The following EXOC6B variants were observed in gnomAD, a reference collection of about 807,000 sequenced individuals.
EXOC6B encodes SEC15 homolog B.
A neutral mutation model predicts 113.5 loss-of-function variants in EXOC6B; 54 were observed. The observed-to-expected ratio is 0.48, with a 90% CI of 0.38 to 0.60. The LOEUF is 0.60. EXOC6B is among the 20% of genes least tolerant of loss of function. EXOC6B has a pLI of 0.00. For missense variants in EXOC6B, 797 were observed against 977.5 expected (o/e 0.82, Z 2.46); for synonymous variants, 357 against 339.0 (o/e 1.05, Z -0.58).
At chr2:72,450,863 C>T (rs1441142497) in intron 18 of EXOC6B, among the ~76,000 whole-genome samples, 1 of 151,930 alleles carries the variant, frequency 6.6e-6, no homozygotes, top group African/African-American at 2.4e-5. Context: ...AGCCATAAAC[C>T]TTATGCTCAT....
chr2:72,672,456 C>T lies in EXOC6B; in HGVS notation c.669+45647G>A, dbSNP rs530805364. Reference sequence around the variant, plus strand: ...CCATCCTGGCTAACACGGTGAAACCCGGCCTCTACTAACCCGGGAGGCGGA... The same window carrying T: ...CCATCCTGGCTAACACGGTGAAACCTGGCCTCTACTAACCCGGGAGGCGGA... On this transcript the variant is annotated intron_variant, in intron 6 of 21. Coordinates refer to ENST00000272427, the MANE Select transcript of EXOC6B (RefSeq NM_015189.3). 4.0e-5 allele frequency among the ~76,000 whole-genome samples: 6 copies of T among 150,696 alleles called. No individual in the cohort carries two copies. In the South Asian group the frequency reaches 1.3e-3, roughly 32 times the overall value.
chr2:72,415,996 CT>C (rs1694497277), intron 18 of EXOC6B, among the ~76,000 whole-genome samples: 1 of 152,162 alleles, frequency 6.6e-6, no homozygotes, highest in Admixed American at 6.5e-5. Flanking sequence ...TCCCAAATCA[CT>C]GTGACTTACA....
intron 6 of EXOC6B, among the ~76,000 whole-genome samples, chr2:72,708,572 A>G (rs1191236809): frequency 6.6e-6 from 1 of 152,178 alleles, no homozygotes; most frequent in Non-Finnish European, 1.5e-5. Flanking sequence ...AGGGGTTATA[A>G]ATGAAAGGAA....
chr2:72,558,939 T>G (rs1429934887), intron 8 of EXOC6B, among the ~76,000 whole-genome samples: 1 of 151,986 alleles, frequency 6.6e-6, no homozygotes, highest in Non-Finnish European at 1.5e-5. Flanking sequence ...GTTGCTAGAG[T>G]TTAATTTTTG....
At chr2:72,688,631 AG>A (rs763954930) in intron 6 of EXOC6B, among the ~76,000 whole-genome samples, 1 of 152,220 alleles carries the variant, frequency 6.6e-6, no homozygotes, top group Non-Finnish European at 1.5e-5. Flanking sequence ...AAAGAGATGC[AG>A]GTGCTAGCAA....
chr2:72,653,754 T>G (rs1674384706), intron 6 of EXOC6B, among the ~76,000 whole-genome samples: 2 of 151,874 alleles, frequency 1.3e-5, no homozygotes, highest in Non-Finnish European at 1.5e-5. Flanking sequence ...TGAAACTAAC[T>G]TCTAAGTAAA....
intron 8 of EXOC6B, among the ~76,000 whole-genome samples, chr2:72,529,804 T>A (rs1701905555): frequency 6.6e-6 from 1 of 152,184 alleles, no homozygotes; most frequent in African/African-American, 2.4e-5. Flanking sequence ...ATTTCCTTCA[T>A]AGCCATAGGG....
intron 5 of EXOC6B, among the ~76,000 whole-genome samples, chr2:72,724,462 C>T (rs1014999394): frequency 1.1e-4 from 16 of 151,908 alleles, no homozygotes; most frequent in South Asian, 2.1e-4. Context: ...ACTCACCATT[C>T]GCTAAAACAA....
intron 8 of EXOC6B, among the ~76,000 whole-genome samples, chr2:72,523,712 C>T (rs944416972): frequency 3.1e-5 from 4 of 130,596 alleles, no homozygotes; most frequent in South Asian, 5.1e-4. Context: ...ACCCGGGAGG[C>T]GGAGCTTGCC....
chr2:72,720,374 T>C (rs75758810), intron 5 of EXOC6B, among the ~76,000 whole-genome samples: 1,781 of 152,252 alleles, frequency 0.012, 30 homozygotes, highest in African/African-American at 0.041. Context: ...CAACTACATA[T>C]TGTCTACAAG....
At chr2:72,213,211 C>G (rs1373157310) in intron 20 of EXOC6B, among the ~76,000 whole-genome samples, 1 of 152,206 alleles carries the variant, frequency 6.6e-6, no homozygotes, top group Non-Finnish European at 1.5e-5. Flanking sequence ...GTGAAGCCAT[C>G]CTGGTATTTA....
Position 72,401,404 on chromosome 2 carries a change from G to T in EXOC6B, c.1981-21534C>A, listed in dbSNP as rs572789234. Among the ~76,000 whole-genome samples the T allele has an allele frequency of 1.7e-3, 247 of 145,532 alleles. 1 individual carries two copies. The highest frequency in any genetic ancestry group is 5.9e-3 in the African/African-American group (238 of 40,018). On this transcript the variant is annotated intron_variant, in intron 18 of 21. Coordinates refer to ENST00000272427, the MANE Select transcript of EXOC6B (RefSeq NM_015189.3). ...TTGAACCCAGGAGGCGGAGGTTGCA[G>T]TGAGCCGAGATCATGCCATTGCACT... is the stretch of plus-strand genomic sequence containing the variant.
At chr2:72,399,578 A>G (rs539681879) in intron 18 of EXOC6B, among the ~76,000 whole-genome samples, 1 of 152,310 alleles carries the variant, frequency 6.6e-6, no homozygotes, top group East Asian at 1.9e-4. Context: ...GATTTGACAA[A>G]TAACTTTAGT....
intron 20 of EXOC6B, among the ~76,000 whole-genome samples, chr2:72,203,544 T>C (rs79015457): frequency 6.6e-6 from 1 of 152,318 alleles, no homozygotes; most frequent in East Asian, 1.9e-4. Flanking sequence ...TGGACTTCCA[T>C]TATCAATTCA....
intron 20 of EXOC6B, among the ~76,000 whole-genome samples, chr2:72,224,438 C>T (rs375257685): frequency 9.2e-5 from 14 of 152,012 alleles, no homozygotes; most frequent in East Asian, 7.7e-4. Context: ...ATACATACTA[C>T]TCAATTCTCA....
At chr2:72,513,647 T>C (rs1176704311) in intron 10 of EXOC6B, among the ~76,000 whole-genome samples, 1 of 151,722 alleles carries the variant, frequency 6.6e-6, no homozygotes, top group African/African-American at 2.4e-5. Flanking sequence ...AATATATACA[T>C]CATATATATA....
At chr2:72,616,193 C>T (rs996786947) in intron 6 of EXOC6B, among the ~76,000 whole-genome samples, 5 of 151,900 alleles carry the variant, frequency 3.3e-5, no homozygotes, top group African/African-American at 1.2e-4. Context: ...TTAAAATGGA[C>T]GTACTACCCA....
chr2:72,781,779 T>C (rs529265729), intron 1 of EXOC6B, among the ~76,000 whole-genome samples: 1 of 152,144 alleles, frequency 6.6e-6, no homozygotes, highest in South Asian at 2.1e-4. Context: ...ACAAATCACA[T>C]GGCCACAACT....
chr2:72,600,459 A>G (rs945107403), intron 6 of EXOC6B, among the ~76,000 whole-genome samples: 4 of 151,340 alleles, frequency 2.6e-5, no homozygotes, highest in Non-Finnish European at 5.9e-5. Context: ...AAAAAAAAAA[A>G]AAAAAACTAC....
Sources: allele counts gnomAD v4.1 joint callset (sites outside exome capture counted in the v4.1 genomes callset), GRCh38; gene constraint gnomAD v4.1.1; transcripts MANE v1.5; gene names NCBI Gene and HGNC (gene_info 2026-07-23, HGNC 2026-07-21).